The following TLR4 variants were observed in gnomAD, a reference collection of about 807,000 sequenced individuals.
TLR4 encodes toll-like receptor 4.
In TLR4, 17 loss-of-function variants were observed where a neutral mutation model predicts 27.4. That is an observed-to-expected ratio of 0.62 (90% CI 0.42 to 0.93). The LOEUF is 0.93. Ranked by LOEUF, TLR4 falls within the 40% of genes least tolerant of loss-of-function variation. TLR4 has a pLI of 0.00. For synonymous variants in TLR4, 363 were observed against 365.7 expected, an observed-to-expected ratio of 0.99 and a Z score of 0.08; for missense variants, 926 against 962.3, an observed-to-expected ratio of 0.96 and a Z score of 0.50.
In TLR4 at chr9:117,722,052, G is replaced by A. The variant is rs1829428661; in HGVS notation, c.*7404G>A. ...CATTTTCCCTTCTTTATCATCCTGG[G>A]TAGCTGAGACCCCACATAAATATAT... On this transcript the variant is annotated 3_prime_UTR_variant, in exon 3 of 3. Transcript: ENST00000355622. 1.3e-5 allele frequency: 2 copies of A among 152,076 alleles called. No individual in the cohort carries two copies. Among genetic ancestry groups the A allele is most frequent in the Admixed American group, 1.3e-4 (2 of 15,248 alleles). 9.4% of individuals were successfully genotyped at this position (152,076 alleles called of 1,614,324 possible). A position where few individuals can be genotyped will look rare whatever the true frequency, so the allele number is the denominator to read the frequency against.
chr9:117,715,001 T>C lies in TLR4; in HGVS notation c.*353T>C. On this transcript the variant is annotated 3_prime_UTR_variant, in exon 3 of 3. Coordinates refer to ENST00000355622, the MANE Select transcript of TLR4 (RefSeq NM_138554.5). Reference sequence around the variant, plus strand: ...CTTTTGAATGGAAATTGTATTATGTTATAGCCATCATAAAACCATTTTGGT... The same window carrying C: ...CTTTTGAATGGAAATTGTATTATGTCATAGCCATCATAAAACCATTTTGGT... 3.7e-6 allele frequency: 1 copy of C among 272,962 alleles called. No individual in the cohort carries two copies. The highest frequency in any genetic ancestry group is 7.1e-6 in the Non-Finnish European group (1 of 140,588). The allele number at this position is 272,962 out of a possible 1,614,324, so 16.9% of individuals were successfully genotyped here.
At position 117,717,000 on chromosome 9, in the gene TLR4, G is replaced by C. The variant is rs1243767893; in HGVS notation, c.*2352G>C. The C allele has an allele frequency of 6.6e-6, 1 of 152,124 alleles. No individual in the cohort carries two copies. Among genetic ancestry groups the C allele is most frequent in the Non-Finnish European group, 1.5e-5 (1 of 68,018 alleles). 9.4% of individuals were successfully genotyped at this position (152,124 alleles called of 1,614,324 possible). A position where few individuals can be genotyped will look rare whatever the true frequency, so the allele number is the denominator to read the frequency against. ...GTGTGTTTGGTTTGAGCAGGTCTAG[G>C]GTGATTGAACATCCCTGGGTGTGTT... On this transcript the variant is annotated 3_prime_UTR_variant, in exon 3 of 3. Coordinates refer to ENST00000355622, the MANE Select transcript of TLR4 (RefSeq NM_138554.5).
Position 117,724,138 on chromosome 9 carries a change from C to T in TLR4, c.*9490C>T, listed in dbSNP as rs978402564. ...TAGCAACCAACAGTGTCCTTAGTGC[C>T]AGCACTCCCAGGCATGCCCCTTTCC... On this transcript the variant is annotated 3_prime_UTR_variant, in exon 3 of 3. Coordinates refer to ENST00000355622, the MANE Select transcript of TLR4 (RefSeq NM_138554.5). The T allele has an allele frequency of 3.9e-5, 6 of 152,314 alleles. No individual in the cohort carries two copies. Among genetic ancestry groups the T allele is most frequent in the African/African-American group, 1.4e-4 (6 of 41,436 alleles). 9.4% of individuals were successfully genotyped at this position (152,314 alleles called of 1,614,324 possible).
At chr9:117,707,099 C>T (rs1286457969) in intron 1 of TLR4, among the ~76,000 whole-genome samples, 2 of 152,116 alleles carry the variant, frequency 1.3e-5, no homozygotes, top group South Asian at 2.1e-4. Flanking sequence ...ATGAACAATA[C>T]GATGAGAACA....
Position 117,722,913 on chromosome 9 carries a change from C to G in TLR4, c.*8265C>G, listed in dbSNP as rs1359809939. 1 of 152,060 alleles carries G rather than the reference C, an allele frequency of 6.6e-6. No homozygotes were observed. Among genetic ancestry groups the G allele is most frequent in the Admixed American group, 6.6e-5 (1 of 15,258 alleles). 9.4% of individuals were successfully genotyped at this position (152,060 alleles called of 1,614,324 possible). Reference sequence around the variant, plus strand: ...TTGTGACTAGCTAAGAATCAATTATCTCTTTAAAATATATTTAAGTTTAAA... The same window carrying G: ...TTGTGACTAGCTAAGAATCAATTATGTCTTTAAAATATATTTAAGTTTAAA... On this transcript the variant is annotated 3_prime_UTR_variant, in exon 3 of 3. Transcript: ENST00000355622.
chr9:117,714,365 G>A lies in TLR4; in HGVS notation c.2237G>A (p.Trp746Ter). The A allele has an allele frequency of 6.2e-7, 1 of 1,602,882 alleles. No homozygotes were observed. The highest frequency in any genetic ancestry group is 8.5e-7 in the Non-Finnish European group (1 of 1,170,486). The change falls in exon 3 of 3, where the codon TGG (tryptophan) becomes TAG (stop). Residue 746 changes from tryptophan to a stop codon, truncating the protein, a stop_gained. Transcript: ENST00000355622. LOFTEE classifies it high-confidence loss of function. ...TCCCAGCACTTCATCCAGAGCCGCT[G>A]GTGTATCTTTGAATATGAGATTGCT... ...VVSQHFIQSR[W>*]CIFEYEIAQT...
Position 117,715,308 on chromosome 9 carries a change from T to G in TLR4, c.*660T>G, listed in dbSNP as rs920195399. The stretch of plus-strand genomic sequence containing the variant: ...TATCCAGTTTTCATTTTTTTACGTC[T>G]TGCCTATAAGCTAATATCATAAATA... On this transcript the variant is annotated 3_prime_UTR_variant, in exon 3 of 3. Transcript: ENST00000355622. The G allele has an allele frequency of 3.3e-5, 5 of 152,626 alleles. No individual in the cohort carries two copies. Among genetic ancestry groups the G allele is most frequent in the African/African-American group, 1.2e-4 (5 of 41,452 alleles). 9.5% of individuals were successfully genotyped at this position (152,626 alleles called of 1,614,324 possible).
At chr9:117,711,612 AT>A (rs960665259) in intron 2 of TLR4, among the ~76,000 whole-genome samples, 1 of 151,564 alleles carries the variant, frequency 6.6e-6, no homozygotes, top group Non-Finnish European at 1.5e-5. Flanking sequence ...TCCTTGTGTC[AT>A]TTTTTTTCTG....
intron 1 of TLR4, 85 bp downstream of exon 1, chr9:117,704,650 G>GAAA: frequency 4.7e-6 from 5 of 1,057,720 alleles, no homozygotes; most frequent in South Asian, 1.4e-5. Flanking sequence ...GTTTATTTTT[G>GAAA]CAAAAAAAAA....
chr9:117,716,473 A>G lies in TLR4; in HGVS notation c.*1825A>G, dbSNP rs201331616. On this transcript the variant is annotated 3_prime_UTR_variant, in exon 3 of 3. Transcript: ENST00000355622. ...AAATGAGCAAGTAACAGAAAGACAA[A>G]TACTGCCTGATTTCATTTATATGAG... The G allele has an allele frequency of 6.6e-6, 1 of 152,228 alleles. No individual in the cohort carries two copies. The highest frequency in any genetic ancestry group is 1.5e-5 in the Non-Finnish European group (1 of 68,044). The allele number at this position is 152,228 out of a possible 1,614,324, so 9.4% of individuals were successfully genotyped here.
rs76014534 is a variant in TLR4, at chr9:117,712,988, A to G, written c.860A>G (p.Glu287Gly). The change falls in exon 3 of 3, where the codon GAA becomes GGA. Residue 287 changes from glutamate (E) to glycine (G), a missense_variant. Glu to Gly is a moderately conservative substitution (Grantham distance 98). Transcript: ENST00000355622. The stretch of plus-strand genomic sequence containing the variant: ...GGCCTGTGCAATTTGACCATTGAAG[A>G]ATTCCGATTAGCATACTTAGACTAC... ...LEGLCNLTIE[E>G]FRLAYLDYYL... 1.5e-5 allele frequency: 25 copies of G among 1,614,112 alleles called. No individual in the cohort carries two copies. In the African/African-American group the frequency reaches 3.3e-4, roughly 22 times the overall value.
rs1829384845 is a variant in TLR4 at position 117,718,486 on chromosome 9, G to A, written c.*3838G>A. ...TTAATCAATAATAAGTAGAAAATCT[G>A]GACATAGAATAAAAAGAGGAGAGAA... On this transcript the variant is annotated 3_prime_UTR_variant, in exon 3 of 3. Coordinates refer to ENST00000355622, the MANE Select transcript of TLR4 (RefSeq NM_138554.5). 6.6e-6 allele frequency: 1 copy of A among 151,920 alleles called. No homozygotes were observed. The highest frequency in any genetic ancestry group is 6.6e-5 in the Admixed American group (1 of 15,222). The allele number at this position is 151,920 out of a possible 1,614,324, so 9.4% of individuals were successfully genotyped here. A position where few individuals can be genotyped will look rare whatever the true frequency, so the allele number is the denominator to read the frequency against.
rs1829387351 is a variant in TLR4, at chr9:117,718,628, C to T, written c.*3980C>T. ...CTCCTTATCAACTGTGTGCCTTGGG[C>T]TCCATTTCTCTGAGAGTCTACTTAG... On this transcript the variant is annotated 3_prime_UTR_variant, in exon 3 of 3. Transcript: ENST00000355622. The T allele has an allele frequency of 6.6e-6, 1 of 152,010 alleles. No individual in the cohort carries two copies. The highest frequency in any genetic ancestry group is 1.5e-5 in the Non-Finnish European group (1 of 68,024). The allele number at this position is 152,010 out of a possible 1,614,324, so 9.4% of individuals were successfully genotyped here. A position where few individuals can be genotyped will look rare whatever the true frequency, so the allele number is the denominator to read the frequency against.
intron 1 of TLR4, among the ~76,000 whole-genome samples, chr9:117,706,413 G>A (rs1829136910): frequency 1.3e-5 from 2 of 151,940 alleles, no homozygotes; most frequent in South Asian, 2.1e-4. Flanking sequence ...CTTTGTAATG[G>A]AATCGGTAAG....
At position 117,723,636 on chromosome 9, in the gene TLR4, C is replaced by T. The variant is rs1829446612; in HGVS notation, c.*8988C>T. ...CTCCAAGGAGGAGTTTCTCTTTTGC[C>T]CCATGTTATAAACTCAAGAATATCT... On this transcript the variant is annotated 3_prime_UTR_variant, in exon 3 of 3. Coordinates refer to ENST00000355622, the MANE Select transcript of TLR4 (RefSeq NM_138554.5). 6.6e-6 allele frequency: 1 copy of T among 151,906 alleles called. No homozygotes were observed. The highest frequency in any genetic ancestry group is 6.6e-5 in the Admixed American group (1 of 15,256). The allele number at this position is 151,906 out of a possible 1,614,324, so 9.4% of individuals were successfully genotyped here. A position where few individuals can be genotyped will look rare whatever the true frequency, so the allele number is the denominator to read the frequency against.
At chr9:117,711,361 T>C (rs1829228223) in intron 2 of TLR4, among the ~76,000 whole-genome samples, 1 of 152,208 alleles carries the variant, frequency 6.6e-6, no homozygotes, top group Non-Finnish European at 1.5e-5. Flanking sequence ...GCACCTGCAA[T>C]GCTGAAAGGA....
At position 117,718,552 on chromosome 9, in the gene TLR4, T is replaced by C. The variant is rs1445068463; in HGVS notation, c.*3904T>C. 6.6e-6 allele frequency: 1 copy of C among 151,964 alleles called. No individual in the cohort carries two copies. The highest frequency in any genetic ancestry group is 1.5e-5 in the Non-Finnish European group (1 of 68,000). 9.4% of individuals were successfully genotyped at this position (151,964 alleles called of 1,614,324 possible). On this transcript the variant is annotated 3_prime_UTR_variant, in exon 3 of 3. Coordinates refer to ENST00000355622, the MANE Select transcript of TLR4 (RefSeq NM_138554.5). ...GCGTTAATACAGTGCTTTCCATTTT[T>C]CTGGTGTTTTGAGTAGCGTGGCTTT...
chr9:117,714,974 G>T lies in TLR4; in HGVS notation c.*326G>T. ...GAAAGAGACATTGTTCTTTTCCTGA[G>T]TCTTTTGAATGGAAATTGTATTATG... is the stretch of plus-strand genomic sequence containing the variant. On this transcript the variant is annotated 3_prime_UTR_variant, in exon 3 of 3. Transcript: ENST00000355622. The T allele has an allele frequency of 2.7e-6, 1 of 364,678 alleles. No homozygotes were observed. The highest frequency in any genetic ancestry group is 5.1e-6 in the Non-Finnish European group (1 of 194,342). 22.6% of individuals were successfully genotyped at this position (364,678 alleles called of 1,614,324 possible).
Position 117,723,186 on chromosome 9 carries a change from G to A in TLR4, c.*8538G>A, listed in dbSNP as rs769393405. Reference sequence around the variant, plus strand: ...CAGGAATTCTATTCTATGATTAGAGGTGTAACTTCATCATCCAGATTTTCC... The same window carrying A: ...CAGGAATTCTATTCTATGATTAGAGATGTAACTTCATCATCCAGATTTTCC... On this transcript the variant is annotated 3_prime_UTR_variant, in exon 3 of 3. Coordinates refer to ENST00000355622, the MANE Select transcript of TLR4 (RefSeq NM_138554.5). 1 of 152,188 alleles carries A rather than the reference G, an allele frequency of 6.6e-6. No individual in the cohort carries two copies. The highest frequency in any genetic ancestry group is 6.5e-5 in the Admixed American group (1 of 15,282). 9.4% of individuals were successfully genotyped at this position (152,188 alleles called of 1,614,324 possible).
Sources: gnomAD v4.1 joint callset for allele counts (sites outside exome capture counted in the v4.1 genomes callset) on GRCh38, gnomAD v4.1.1 for gene constraint, MANE v1.5 for transcripts, NCBI Gene and HGNC (gene_info 2026-07-23, HGNC 2026-07-21) for gene names.